Variants in TTC28 observed in about 807,000 individuals in gnomAD.
TTC28 encodes tetratricopeptide repeat domain 28.
In TTC28, 61 loss-of-function variants were observed where a neutral mutation model predicts 198.0. That is an observed-to-expected ratio of 0.31 (90% CI 0.25 to 0.38). The LOEUF (loss-of-function observed/expected upper bound fraction) is 0.38, where lower values mean the gene tolerates loss of function less well. Ranked by LOEUF, TTC28 falls within the 10% of genes least tolerant of loss-of-function variation. The pLI is 1.00. For synonymous variants in TTC28, 1,171 were observed against 1,297.8 expected, an observed-to-expected ratio of 0.90 and a Z score of 2.10; for missense variants, 2,678 against 3,164.0, an observed-to-expected ratio of 0.85 and a Z score of 3.69.
intron 2 of TTC28, among the ~76,000 whole-genome samples, chr22:28,455,418 C>T (rs148726793): frequency 6.6e-6 from 1 of 152,220 alleles, no homozygotes; most frequent in Non-Finnish European, 1.5e-5. Flanking sequence ...TGATTCTAAA[C>T]AAAAGAGCAT....
chr22:28,498,198 A>G (rs565923870), intron 2 of TTC28, among the ~76,000 whole-genome samples: 3 of 152,114 alleles, frequency 2.0e-5, no homozygotes, highest in African/African-American at 7.2e-5. Context: ...AATTGGTGGT[A>G]ATTCTCCTCA....
intron 14 of TTC28, among the ~76,000 whole-genome samples, chr22:28,012,042 A>G (rs1266484401): frequency 6.6e-6 from 1 of 152,246 alleles, no homozygotes; most frequent in Non-Finnish European, 1.5e-5. Flanking sequence ...TAACCTTCAG[A>G]GGAGCGGGGA....
intron 5 of TTC28, among the ~76,000 whole-genome samples, chr22:28,255,158 CT>C: frequency 1.3e-5 from 2 of 152,234 alleles, no homozygotes; most frequent in South Asian, 4.1e-4. Context: ...TAAAAATGAT[CT>C]TGCAATTTTT....
chr22:28,231,664 G>C (rs1179410666), intron 5 of TTC28, among the ~76,000 whole-genome samples: 3 of 152,164 alleles, frequency 2.0e-5, no homozygotes, highest in Non-Finnish European at 4.4e-5. Flanking sequence ...AGAGTTGTCA[G>C]GAACTCAGCT....
At chr22:28,186,105 C>T (rs1244990342) in intron 5 of TTC28, among the ~76,000 whole-genome samples, 1 of 152,112 alleles carries the variant, frequency 6.6e-6, no homozygotes, top group Non-Finnish European at 1.5e-5. Context: ...CAAATCCTAT[C>T]ACAAAATGGA....
intron 5 of TTC28, among the ~76,000 whole-genome samples, chr22:28,272,012 C>CA (rs1167582522): frequency 1.3e-5 from 2 of 152,146 alleles, no homozygotes; most frequent in Non-Finnish European, 2.9e-5. Context: ...GAGGCCTTCC[C>CA]AGTCACTTGT....
At chr22:28,274,672 A>G (rs1266090598) in intron 5 of TTC28, among the ~76,000 whole-genome samples, 10 of 152,192 alleles carry the variant, frequency 6.6e-5, no homozygotes, top group Admixed American at 1.3e-4. Flanking sequence ...GCCAGATTGC[A>G]GAAAAGATGC....
intron 2 of TTC28, among the ~76,000 whole-genome samples, chr22:28,528,965 T>A (rs970997308): frequency 6.6e-6 from 1 of 152,122 alleles, no homozygotes; most frequent in African/African-American, 2.4e-5. Context: ...GATTACCAAA[T>A]AGGAACAACT....
intron 21 of TTC28, chr22:27,986,271 C>T (rs1937212190): frequency 6.6e-6 from 1 of 152,366 alleles, no homozygotes; most frequent in Non-Finnish European, 1.5e-5. Context: ...GCTGTCTCTC[C>T]TGCCACCTTG....
At chr22:28,217,411 A>C (rs931577120) in intron 5 of TTC28, among the ~76,000 whole-genome samples, 1 of 152,224 alleles carries the variant, frequency 6.6e-6, no homozygotes, top group African/African-American at 2.4e-5. Flanking sequence ...AGTCACATCT[A>C]ATTTATGGAT....
chr22:28,496,851 C>G (rs946474267), intron 2 of TTC28, among the ~76,000 whole-genome samples: 1 of 152,164 alleles, frequency 6.6e-6, no homozygotes, highest in Non-Finnish European at 1.5e-5. Context: ...CTTACCCAGT[C>G]TAACCCTTGG....
rs372684923 is a variant in TTC28, at chr22:28,084,822, T to C, written c.3932+9258A>G. 7.0e-4 allele frequency among the ~76,000 whole-genome samples: 107 copies of C among 152,098 alleles called. 2 individuals are homozygous for C. The highest frequency in any genetic ancestry group is 1.4e-3 in the Non-Finnish European group (92 of 67,998). On this transcript the variant is annotated intron_variant, in intron 12 of 22. Transcript: ENST00000397906. ...AATGCAGAGAAGTCCTCAAAGGACC[T>C]GATGGAGCTGAAAACCATGGCATGA...
intron 5 of TTC28, among the ~76,000 whole-genome samples, chr22:28,203,588 A>C (rs923862385): frequency 1.3e-5 from 2 of 152,070 alleles, no homozygotes; most frequent in Non-Finnish European, 2.9e-5. Context: ...TTCATAGCAG[A>C]ATTAAACTAC....
intron 2 of TTC28, among the ~76,000 whole-genome samples, chr22:28,482,077 T>C (rs935149852): frequency 6.6e-6 from 1 of 152,162 alleles, no homozygotes; most frequent in African/African-American, 2.4e-5. Context: ...TATTTCTAAG[T>C]GTGTTCCGTG....
intron 2 of TTC28, among the ~76,000 whole-genome samples, chr22:28,482,207 CTTTTTTTTT>C (rs36011379): frequency 6.0e-5 from 4 of 66,938 alleles, no homozygotes; most frequent in Admixed American, 2.4e-4. Context: ...AATGGGCAGT[CTTTTTTTTT>C]TTTTTTTTTT....
Position 28,308,871 on chromosome 22 carries a change from T to A in TTC28, c.382-2228A>T, listed in dbSNP as rs143859417. On this transcript the variant is annotated intron_variant, in intron 2 of 22. Transcript: ENST00000397906. The stretch of plus-strand genomic sequence containing the variant: ...ATCCAACTTTATAAGATTTACCTGT[T>A]AAAAGCTTAGGATTGTATCCCTGTA... Among the ~76,000 whole-genome samples the A allele has an allele frequency of 7.9e-5, 12 of 152,290 alleles. No individual in the cohort carries two copies. The East Asian group carries it at 1.9e-3, about 24-fold the overall frequency.
chr22:28,251,810 T>C (rs941490004), intron 5 of TTC28, among the ~76,000 whole-genome samples: 2 of 152,122 alleles, frequency 1.3e-5, no homozygotes, highest in Admixed American at 1.3e-4. Flanking sequence ...TTAAAAAGGA[T>C]CCTGAATCAG....
chr22:28,252,677 C>T (rs1234237659), intron 5 of TTC28, among the ~76,000 whole-genome samples: 1 of 152,140 alleles, frequency 6.6e-6, no homozygotes, highest in Non-Finnish European at 1.5e-5. Flanking sequence ...TCAAAGGCCA[C>T]AAAAGACCTG....
chr22:28,355,394 G>A (rs2046060616), intron 2 of TTC28, among the ~76,000 whole-genome samples: 1 of 152,018 alleles, frequency 6.6e-6, no homozygotes, highest in Admixed American at 6.6e-5. Flanking sequence ...ACCATCTCTG[G>A]TGCATCAAGG....
Sources: allele counts gnomAD v4.1 joint callset (sites outside exome capture counted in the v4.1 genomes callset), GRCh38; gene constraint gnomAD v4.1.1; transcripts MANE v1.5; gene names NCBI Gene and HGNC (gene_info 2026-07-23, HGNC 2026-07-21).